LRP1B: variants seen among roughly 807,000 people sequenced by gnomAD.
LRP1B encodes the protein low-density lipoprotein receptor-related protein 1B.
In LRP1B, 217 loss-of-function variants were observed where a neutral mutation model predicts 556.6. The observed-to-expected ratio is 0.39, with a 90% CI of 0.35 to 0.44. The LOEUF is 0.44. Among genes scored for constraint, LRP1B ranks in the 20% least tolerant of loss-of-function variants. The pLI is 1.00. For synonymous variants in LRP1B, 2,047 were observed against 1,865.8 expected, an observed-to-expected ratio of 1.10 and a Z score of -2.50; for missense variants, 5,053 against 5,620.8, an observed-to-expected ratio of 0.90 and a Z score of 3.23.
intron 5 of LRP1B, 77 bp from the exon 6 acceptor site, chr2:141,229,517 A>C: frequency 9.0e-7 from 1 of 1,114,040 alleles, no homozygotes; most frequent in Non-Finnish European, 1.3e-6. Context: ...AGTTATTGAA[A>C]GCTATTTTCT....
At chr2:141,407,139 C>CTT (rs11369037) in intron 3 of LRP1B, among the ~76,000 whole-genome samples, 6 of 152,012 alleles carry the variant, frequency 3.9e-5, no homozygotes, top group African/African-American at 9.7e-5. Flanking sequence ...TAAATAGAAA[C>CTT]TTTTTTTGGT....
At chr2:140,548,720 C>T (rs898480520) in intron 43 of LRP1B, among the ~76,000 whole-genome samples, 2 of 152,068 alleles carry the variant, frequency 1.3e-5, no homozygotes, top group African/African-American at 2.4e-5. Flanking sequence ...GTCAAGAGTT[C>T]GTGACCAGCC....
Position 141,218,008 on chromosome 2 carries a change from T to C in LRP1B, c.850+11175A>G, listed in dbSNP as rs553374785. On this transcript the variant is annotated intron_variant, in intron 6 of 90. Transcript: ENST00000389484. ...TCAACATCACTAATAATCAGACAAA[T>C]GCAAATCAAAACCACAATGAGATAC... Among the ~76,000 whole-genome samples, 98 of 151,868 alleles carry C rather than the reference T, an allele frequency of 6.5e-4. 3 individuals carry two copies. The highest frequency in any genetic ancestry group is 6.4e-3 in the Admixed American group (98 of 15,244).
chr2:141,315,882 C>CTTTTTTTTTTTT (rs70991157), intron 3 of LRP1B, among the ~76,000 whole-genome samples: 2 of 18,140 alleles, frequency 1.1e-4, no homozygotes, highest in African/African-American at 2.4e-4. Flanking sequence ...TTAGTCTGGT[C>CTTTTTTTTTTTT]TTTTTTTTTT....
chr2:141,011,087 G>T (rs956697111), intron 14 of LRP1B, among the ~76,000 whole-genome samples: 10 of 149,986 alleles, frequency 6.7e-5, no homozygotes, highest in African/African-American at 2.0e-4. Flanking sequence ...GAGAGAGAGA[G>T]AGAGAGAGAG....
intron 63 of LRP1B, among the ~76,000 whole-genome samples, chr2:140,447,752 C>A (rs973242617): frequency 2.0e-5 from 3 of 152,142 alleles, no homozygotes; most frequent in African/African-American, 7.2e-5. Context: ...GCCTTTCTCA[C>A]TAAGCTTAAT....
chr2:141,562,085 A>T (rs1369099520), intron 2 of LRP1B, among the ~76,000 whole-genome samples: 3 of 151,938 alleles, frequency 2.0e-5, no homozygotes, highest in Admixed American at 6.6e-5. Flanking sequence ...AAATGGAGAG[A>T]TGTGTTATAC....
chr2:140,688,804 T>C (rs1686138790), intron 41 of LRP1B, among the ~76,000 whole-genome samples: 2 of 152,194 alleles, frequency 1.3e-5, no homozygotes, highest in Admixed American at 6.5e-5. Flanking sequence ...TACAGACTTG[T>C]GGCCTGGTTA....
At chr2:141,757,105 A>G (rs890251052) in intron 2 of LRP1B, among the ~76,000 whole-genome samples, 1 of 152,144 alleles carries the variant, frequency 6.6e-6, no homozygotes, top group Non-Finnish European at 1.5e-5. Flanking sequence ...ATAAATACAA[A>G]CCTGTAAGTT....
At chr2:141,888,695 A>G (rs1699196732) in intron 1 of LRP1B, among the ~76,000 whole-genome samples, 1 of 152,202 alleles carries the variant, frequency 6.6e-6, no homozygotes, top group Non-Finnish European at 1.5e-5. Context: ...GAAAGGTGAG[A>G]CGAAAGCCTA....
chr2:141,292,659 C>G (rs1686022405), intron 3 of LRP1B, among the ~76,000 whole-genome samples: 1 of 152,086 alleles, frequency 6.6e-6, no homozygotes, highest in Admixed American at 6.6e-5. Context: ...TCCCGATAAC[C>G]TATAATGTAA....
In LRP1B at chr2:140,529,056, T is replaced by C. The variant is rs2380884; in HGVS notation, c.7763-2706A>G. ...TGAAATAATAGGGTCCAAATAAAGA[T>C]AAGCCAAGGGAGAGATACTACACTT... is the stretch of plus-strand genomic sequence containing the variant. On this transcript the variant is annotated intron_variant, in intron 47 of 90. Coordinates refer to ENST00000389484, the MANE Select transcript of LRP1B (RefSeq NM_018557.3). 7.6e-3 allele frequency among the ~76,000 whole-genome samples: 1,161 copies of C among 151,980 alleles called. 15 individuals are homozygous for C. Among genetic ancestry groups the C allele is most frequent in the African/African-American group, 0.027 (1,119 of 41,488 alleles).
rs143180171 is a variant in LRP1B at position 140,975,634 on chromosome 2, T to G, written c.2887+6526A>C. Among the ~76,000 whole-genome samples the G allele has an allele frequency of 2.9e-3, 447 of 152,256 alleles. 2 individuals carry two copies. Among genetic ancestry groups the G allele is most frequent in the African/African-American group, 0.011 (437 of 41,546 alleles). ...AAACTAAAAGTCACCAGACTCATTG[T>G]GTGGTGCAAAGATATTATTAAGGAA... On this transcript the variant is annotated intron_variant, in intron 18 of 90. Coordinates refer to ENST00000389484, the MANE Select transcript of LRP1B (RefSeq NM_018557.3).
chr2:141,029,473 CTAAG>C (rs1310771915), intron 11 of LRP1B, among the ~76,000 whole-genome samples: 3 of 152,092 alleles, frequency 2.0e-5, no homozygotes, highest in African/African-American at 7.2e-5. Context: ...ACATAGGCAG[CTAAG>C]TAAGTCAAGG....
At chr2:140,837,322 C>T (rs902909168) in intron 31 of LRP1B, among the ~76,000 whole-genome samples, 1 of 152,136 alleles carries the variant, frequency 6.6e-6, no homozygotes, top group East Asian at 1.9e-4. Flanking sequence ...GGTTCCTGTG[C>T]CCCTTAAGGA....
chr2:141,233,721 G>T (rs1224371816), intron 5 of LRP1B, among the ~76,000 whole-genome samples: 1 of 151,934 alleles, frequency 6.6e-6, no homozygotes, highest in Non-Finnish European at 1.5e-5. Flanking sequence ...ATAAAAACTT[G>T]TCATTTTTAA....
At chr2:141,716,856 G>T (rs1052710860) in intron 2 of LRP1B, among the ~76,000 whole-genome samples, 1 of 152,096 alleles carries the variant, frequency 6.6e-6, no homozygotes, top group African/African-American at 2.4e-5. Context: ...TACTAGTCTT[G>T]ATGAGCTCCT....
intron 43 of LRP1B, among the ~76,000 whole-genome samples, chr2:140,567,103 C>T (rs1332270434): frequency 1.3e-5 from 2 of 152,112 alleles, no homozygotes; most frequent in Admixed American, 6.5e-5. Flanking sequence ...AGACACCCTG[C>T]CCCATAAGAC....
intron 7 of LRP1B, among the ~76,000 whole-genome samples, chr2:141,163,443 A>T (rs1680118230): frequency 6.6e-6 from 1 of 152,054 alleles, no homozygotes; most frequent in African/African-American, 2.4e-5. Flanking sequence ...TAATTTGGGA[A>T]TTTACACTGG....
Sources: allele counts gnomAD v4.1 joint callset (sites outside exome capture counted in the v4.1 genomes callset), GRCh38; gene constraint gnomAD v4.1.1; transcripts MANE v1.5; gene names NCBI Gene and HGNC (gene_info 2026-07-23, HGNC 2026-07-21).